Variants in PDE8A observed in about 807,000 individuals in gnomAD.
PDE8A encodes phosphodiesterase 8A.
In PDE8A, 59 loss-of-function variants were observed where a neutral mutation model predicts 105.0. That is an observed-to-expected ratio of 0.56 (90% CI 0.46 to 0.70). PDE8A has a LOEUF of 0.70. PDE8A is among the 30% of genes least tolerant of loss of function. The pLI is 0.00. For missense variants in PDE8A, 1,014 were observed against 1,045.9 expected, an observed-to-expected ratio of 0.97 and a Z score of 0.42; for synonymous variants, 355 against 371.9, an observed-to-expected ratio of 0.95 and a Z score of 0.52.
chr15:85,120,900 G>T lies in PDE8A; in HGVS notation c.1838G>T (p.Ser613Ile), dbSNP rs752814606. ...RTNSFLCNAG[S>I]ELAILYNDTA... ...AACTCCTTCCTGTGTAATGCTGGAAGTGAGCTGGCCATTTTGTACAATGAC... is the reference window on the plus strand; with the variant it reads ...AACTCCTTCCTGTGTAATGCTGGAATTGAGCTGGCCATTTTGTACAATGAC... Residue 613 changes from serine to isoleucine, a missense_variant, in exon 18 of 22, where the codon AGT becomes ATT. Transcript: ENST00000394553. The T allele has an allele frequency of 1.2e-6, 2 of 1,614,110 alleles. No individual in the cohort carries two copies. Among genetic ancestry groups the T allele is most frequent in the Non-Finnish European group, 1.7e-6 (2 of 1,179,948 alleles).
At chr15:85,127,340 GGAGA>G (rs1259500844) in intron 20 of PDE8A, among the ~76,000 whole-genome samples, 1 of 152,152 alleles carries the variant, frequency 6.6e-6, no homozygotes, top group Non-Finnish European at 1.5e-5. Flanking sequence ...AATAGACAAA[GGAGA>G]GAGAGGTTTA....
At chr15:84,986,675 C>T (rs1389890388) in intron 1 of PDE8A, among the ~76,000 whole-genome samples, 5 of 151,578 alleles carry the variant, frequency 3.3e-5, no homozygotes, top group Non-Finnish European at 7.4e-5. Flanking sequence ...TGCAGTGGCA[C>T]AACCATGGCT....
chr15:85,024,020 A>AAAG (rs2080471499), intron 1 of PDE8A, among the ~76,000 whole-genome samples: 2 of 151,666 alleles, frequency 1.3e-5, no homozygotes, highest in South Asian at 4.2e-4. Context: ...CAGATTTCCA[A>AAAG]AAAAAAGTTG....
At chr15:84,996,079 CT>C (rs1353915626) in intron 1 of PDE8A, among the ~76,000 whole-genome samples, 1 of 152,108 alleles carries the variant, frequency 6.6e-6, no homozygotes, top group Non-Finnish European at 1.5e-5. Context: ...CTTAAAAGAA[CT>C]TTTTAATAAG....
intron 1 of PDE8A, among the ~76,000 whole-genome samples, chr15:85,015,330 G>A (rs1474967401): frequency 2.0e-5 from 3 of 151,804 alleles, no homozygotes; most frequent in Non-Finnish European, 4.4e-5. Context: ...GGGCTCAGGT[G>A]ATCCTCCTGC....
intron 1 of PDE8A, among the ~76,000 whole-genome samples, chr15:84,999,055 C>T (rs375094966): frequency 6.7e-6 from 1 of 150,060 alleles, no homozygotes; most frequent in African/African-American, 2.5e-5. Context: ...AGTAGGTATT[C>T]TCTTGTCAAT....
chr15:85,129,318 G>T (rs1010977992), intron 20 of PDE8A, among the ~76,000 whole-genome samples: 1 of 152,152 alleles, frequency 6.6e-6, no homozygotes, highest in Non-Finnish European at 1.5e-5. Flanking sequence ...GTTTGAGAAG[G>T]ATTGATATTA....
chr15:85,023,288 G>T (rs1380407691), intron 1 of PDE8A, among the ~76,000 whole-genome samples: 1 of 152,212 alleles, frequency 6.6e-6, no homozygotes, highest in Non-Finnish European at 1.5e-5. Context: ...GCTTCTGGTG[G>T]TAGAGACCAT....
intron 16 of PDE8A, 151 bp downstream of exon 16, chr15:85,116,270 G>C: frequency 1.5e-6 from 1 of 661,670 alleles, no homozygotes; most frequent in East Asian, 2.8e-5. Context: ...GTGGCTCTGA[G>C]TCACCAGGGC....
chr15:85,104,108 TGTA>T (rs1257266503), intron 11 of PDE8A, among the ~76,000 whole-genome samples: 2 of 152,218 alleles, frequency 1.3e-5, no homozygotes, highest in Admixed American at 1.3e-4. Context: ...GACACCAAAT[TGTA>T]GTGACAACTG....
intron 20 of PDE8A, among the ~76,000 whole-genome samples, chr15:85,132,780 C>T (rs1269959636): frequency 6.6e-6 from 1 of 152,112 alleles, no homozygotes; most frequent in Non-Finnish European, 1.5e-5. Context: ...TTCATAATTT[C>T]TCTCTTTGCT....
chr15:85,117,069 A>G lies in PDE8A; in HGVS notation c.1536-572A>G, dbSNP rs1362620268. Among the ~76,000 whole-genome samples, 4 of 152,234 alleles carry G rather than the reference A, an allele frequency of 2.6e-5. No homozygotes were observed. The East Asian group carries it at 7.7e-4, about 29-fold the overall frequency. On this transcript the variant is annotated intron_variant, in intron 16 of 21. Coordinates refer to ENST00000394553, the MANE Select transcript of PDE8A (RefSeq NM_002605.3). The stretch of plus-strand genomic sequence containing the variant: ...GATGCTGGGTCAAGGTGATTTCTCA[A>G]GTAAGAACCTAACTTGGTGGCCAGC...
intron 1 of PDE8A, among the ~76,000 whole-genome samples, chr15:84,985,548 T>A (rs1288006239): frequency 6.6e-6 from 1 of 152,178 alleles, no homozygotes; most frequent in Non-Finnish European, 1.5e-5. Context: ...CATGTAGTGT[T>A]AGAGACCCTA....
intron 8 of PDE8A, among the ~76,000 whole-genome samples, chr15:85,091,988 T>C (rs1441375167): frequency 6.6e-6 from 1 of 150,580 alleles, no homozygotes; most frequent in Non-Finnish European, 1.5e-5. Flanking sequence ...TGGTGACTTG[T>C]GCAGCCTGCT....
chr15:84,984,874 A>G (rs1419030225), intron 1 of PDE8A, among the ~76,000 whole-genome samples: 1 of 152,286 alleles, frequency 6.6e-6, no homozygotes, highest in Middle Eastern at 3.4e-3. Flanking sequence ...TTGGATTTTC[A>G]GATTAGGGAT....
intron 3 of PDE8A, among the ~76,000 whole-genome samples, chr15:85,073,965 G>C (rs979287025): frequency 6.6e-6 from 1 of 152,192 alleles, no homozygotes; most frequent in African/African-American, 2.4e-5. Flanking sequence ...TGTCTGCAAG[G>C]GGTCTTCCAG....
intron 1 of PDE8A, among the ~76,000 whole-genome samples, chr15:85,055,240 A>T (rs1207916880): frequency 6.6e-6 from 1 of 152,118 alleles, no homozygotes; most frequent in African/African-American, 2.4e-5. Flanking sequence ...AACTGTGGTC[A>T]ATTTTGGAAT....
At chr15:85,099,867 G>A in intron 9 of PDE8A, 148 bp from the exon 10 acceptor site, 1 of 660,238 alleles carries the variant, frequency 1.5e-6, no homozygotes, top group African/African-American at 1.8e-5. Context: ...TTTATTTATT[G>A]GTGGCCTTGG....
intron 1 of PDE8A, among the ~76,000 whole-genome samples, chr15:84,983,923 C>T (rs758435402): frequency 1.3e-5 from 2 of 152,202 alleles, no homozygotes; most frequent in African/African-American, 4.8e-5. Context: ...ATCGCAGTGC[C>T]GTTAGGTCCC....
Sources: gnomAD v4.1 joint callset for allele counts (sites outside exome capture counted in the v4.1 genomes callset) on GRCh38, gnomAD v4.1.1 for gene constraint, MANE v1.5 for transcripts, NCBI Gene and HGNC (gene_info 2026-07-23, HGNC 2026-07-21) for gene names.